IQCJ: variants seen among roughly 807,000 people sequenced by gnomAD.
The protein encoded by IQCJ is IQ domain-containing protein J.
A neutral mutation model predicts 11.0 loss-of-function variants in IQCJ; 9 were observed. The ratio of observed to expected loss-of-function variants is 0.82; its 90% CI spans 0.49 to 1.43. The LOEUF (loss-of-function observed/expected upper bound fraction) is 1.43. IQCJ is among the 40% of genes most tolerant of loss of function. The pLI is 0.00. For synonymous variants in IQCJ, 55 were observed against 51.3 expected, an observed-to-expected ratio of 1.07 and a Z score of -0.31; for missense variants, 146 against 133.2, an observed-to-expected ratio of 1.10 and a Z score of -0.47.
intron 1 of IQCJ, among the ~76,000 whole-genome samples, chr3:159,177,165 C>T (rs890043315): frequency 6.6e-6 from 1 of 152,252 alleles, no homozygotes; most frequent in East Asian, 1.9e-4. Flanking sequence ...AATAGTTGAG[C>T]AATATTATTG....
At chr3:159,219,141 A>T (rs1272701528) in intron 1 of IQCJ, among the ~76,000 whole-genome samples, 1 of 152,190 alleles carries the variant, frequency 6.6e-6, no homozygotes, top group Non-Finnish European at 1.5e-5. Context: ...CCAAATTCAC[A>T]GTTCTAGGGG....
At chr3:159,072,827 G>C (rs567554058) in intron 1 of IQCJ, among the ~76,000 whole-genome samples, 102 of 152,130 alleles carry the variant, frequency 6.7e-4, no homozygotes, top group Non-Finnish European at 9.1e-4. Flanking sequence ...AAATGGAGGA[G>C]TGGGATTTGA....
chr3:159,136,031 GCA>G (rs1055569513), intron 1 of IQCJ, among the ~76,000 whole-genome samples: 88 of 152,264 alleles, frequency 5.8e-4, no homozygotes, highest in African/African-American at 2.0e-3. Flanking sequence ...GATCAGGATT[GCA>G]CAGAGTGCTT....
intron 1 of IQCJ, among the ~76,000 whole-genome samples, chr3:159,160,419 C>T (rs1437050172): frequency 2.0e-5 from 3 of 152,124 alleles, no homozygotes; most frequent in Non-Finnish European, 4.4e-5. Context: ...TCTTCTGCCT[C>T]AACCTCCTGA....
At chr3:159,082,026 A>G (rs1716347494) in intron 1 of IQCJ, among the ~76,000 whole-genome samples, 1 of 152,128 alleles carries the variant, frequency 6.6e-6, no homozygotes. Context: ...TTCAAGGGGA[A>G]AGGTCAGTTA....
At chr3:159,091,646 T>TCA (rs1161042944) in intron 1 of IQCJ, among the ~76,000 whole-genome samples, 55 of 82,356 alleles carry the variant, frequency 6.7e-4, no homozygotes, top group Non-Finnish European at 1.2e-4. Context: ...AAAGGGGTAT[T>TCA]TACACACACA....
chr3:159,087,862 A>G (rs1716912941), intron 1 of IQCJ, among the ~76,000 whole-genome samples: 2 of 150,972 alleles, frequency 1.3e-5, no homozygotes, highest in African/African-American at 4.9e-5. Context: ...ATCCTTTCAA[A>G]AAACCAGCTC....
chr3:159,147,800 A>G (rs1365361356), intron 1 of IQCJ, among the ~76,000 whole-genome samples: 1 of 152,222 alleles, frequency 6.6e-6, no homozygotes, highest in East Asian at 1.9e-4. Context: ...ATAATTTTAC[A>G]TCTGAATCTC....
At chr3:159,108,119 A>G (rs569828099) in intron 1 of IQCJ, among the ~76,000 whole-genome samples, 2 of 152,272 alleles carry the variant, frequency 1.3e-5, no homozygotes, top group Non-Finnish European at 1.5e-5. Flanking sequence ...AGGTTAGTGA[A>G]AAGAGAATTT....
chr3:159,200,093 G>T (rs1724229727), intron 1 of IQCJ, among the ~76,000 whole-genome samples: 1 of 100,086 alleles, frequency 1.0e-5, no homozygotes. Context: ...GTATGTATGT[G>T]TTTATACATA....
chr3:159,096,192 G>A (rs58640844), intron 1 of IQCJ, among the ~76,000 whole-genome samples: 128 of 117,560 alleles, frequency 1.1e-3, no homozygotes, highest in African/African-American at 3.4e-3. Context: ...CATGTCCTTC[G>A]CCCACTTTTT....
chr3:159,246,237 G>A (rs919683627), intron 2 of IQCJ, among the ~76,000 whole-genome samples: 26 of 152,152 alleles, frequency 1.7e-4, no homozygotes, highest in African/African-American at 5.8e-4. Context: ...TTTGTAAAAA[G>A]TGCAAAGCTA....
At chr3:159,104,979 C>T (rs923951171) in intron 1 of IQCJ, among the ~76,000 whole-genome samples, 2 of 152,118 alleles carry the variant, frequency 1.3e-5, no homozygotes, top group African/African-American at 4.8e-5. Flanking sequence ...GTTCACTTCT[C>T]AGTAATTAGC....
intron 1 of IQCJ, among the ~76,000 whole-genome samples, chr3:159,101,017 C>T (rs1157833983): frequency 5.1e-5 from 1 of 19,760 alleles, no homozygotes; most frequent in Non-Finnish European, 1.1e-4. Flanking sequence ...TAGCAATCAG[C>T]GAGATTCCGT....
intron 1 of IQCJ, among the ~76,000 whole-genome samples, chr3:159,211,629 A>T (rs13061616): frequency 0.13 from 20,330 of 152,222 alleles, 1,538 homozygotes; most frequent in Middle Eastern, 0.2. Context: ...TCAATTGTGA[A>T]TTAATATTAA....
intron 1 of IQCJ, among the ~76,000 whole-genome samples, chr3:159,088,477 T>A (rs1229971043): frequency 6.6e-6 from 1 of 152,186 alleles, no homozygotes; most frequent in Non-Finnish European, 1.5e-5. Context: ...GTATCCTTGT[T>A]GATTTTCTGT....
At position 159,219,817 on chromosome 3, in the gene IQCJ, G is replaced by A. The variant is rs543233985; in HGVS notation, c.10-26026G>A. 6.9e-4 allele frequency among the ~76,000 whole-genome samples: 105 copies of A among 152,192 alleles called. 1 individual carries two copies. The highest frequency in any genetic ancestry group is 2.1e-3 in the East Asian group (11 of 5,160). On this transcript the variant is annotated intron_variant, in intron 1 of 3. Coordinates refer to ENST00000397832, the MANE Select transcript of IQCJ (RefSeq NM_001042706.3). ...TTGTGGTCTCAGCTGGAAAGACCTCGTAACTTCCACTTCACATCCAAGCCT... is the reference window on the plus strand; with the variant it reads ...TTGTGGTCTCAGCTGGAAAGACCTCATAACTTCCACTTCACATCCAAGCCT...
chr3:159,073,202 G>T (rs1473476604), intron 1 of IQCJ, among the ~76,000 whole-genome samples: 1 of 152,058 alleles, frequency 6.6e-6, no homozygotes, highest in Non-Finnish European at 1.5e-5. Flanking sequence ...CTGGCTGGGG[G>T]CTCCCCGAAA....
At position 159,249,431 on chromosome 3, in the gene IQCJ, A is replaced by G. The variant is rs560749475; in HGVS notation, c.75-3296A>G. ...TTTTCAATCCCGATTGAGGAATTCCAGCAATGGGAATTAAATACTTCCTTC... is the reference window on the plus strand; with the variant it reads ...TTTTCAATCCCGATTGAGGAATTCCGGCAATGGGAATTAAATACTTCCTTC... On this transcript the variant is annotated intron_variant, in intron 2 of 3. Transcript: ENST00000397832. Among the ~76,000 whole-genome samples the G allele has an allele frequency of 7.9e-5, 12 of 152,240 alleles. No individual in the cohort carries two copies. The South Asian group carries it at 2.5e-3, about 32-fold the overall frequency.
Sources: allele counts gnomAD v4.1 joint callset (sites outside exome capture counted in the v4.1 genomes callset), GRCh38; gene constraint gnomAD v4.1.1; transcripts MANE v1.5; gene names NCBI Gene and HGNC (gene_info 2026-07-23, HGNC 2026-07-21).